The following DLG2 variants were observed in gnomAD, a reference collection of about 807,000 sequenced individuals.
DLG2 encodes discs large MAGUK scaffold protein 2.
In DLG2, 45 loss-of-function variants were observed where a neutral mutation model predicts 132.5. The observed-to-expected ratio is 0.34, with a 90% CI of 0.27 to 0.44. The LOEUF is 0.44. Among genes scored for constraint, DLG2 ranks in the 20% least tolerant of loss-of-function variants. The pLI, the probability that DLG2 is intolerant of heterozygous loss-of-function variation, is 1.00. For synonymous variants in DLG2, 424 were observed against 419.6 expected (o/e 1.01, Z -0.13); for missense variants, 1,045 against 1,196.9 (o/e 0.87, Z 1.87).
At chr11:85,602,392 TTTTC>T (rs1380557419) in intron 2 of DLG2, among the ~76,000 whole-genome samples, 1 of 152,100 alleles carries the variant, frequency 6.6e-6, no homozygotes, top group Non-Finnish European at 1.5e-5. Flanking sequence ...TTTCTCTTTT[TTTTC>T]TTTTTTCTTT....
chr11:84,095,281 G>T (rs1595123540), intron 10 of DLG2, among the ~76,000 whole-genome samples: 2 of 152,180 alleles, frequency 1.3e-5, no homozygotes, highest in African/African-American at 4.8e-5. Flanking sequence ...CCAATTATGT[G>T]CCTGCCATAG....
intron 17 of DLG2, chr11:83,789,873 T>C: frequency 3.7e-6 from 2 of 543,906 alleles, no homozygotes; most frequent in Non-Finnish European, 3.0e-6. Flanking sequence ...GAAATAGTTA[T>C]GGCAGCAAAA....
intron 8 of DLG2, among the ~76,000 whole-genome samples, chr11:84,215,034 G>T (rs1341202129): frequency 6.6e-6 from 1 of 152,178 alleles, no homozygotes; most frequent in Non-Finnish European, 1.5e-5. Flanking sequence ...TCTTAGAGTT[G>T]CTCAGTTCTT....
intron 4 of DLG2, among the ~76,000 whole-genome samples, chr11:85,199,927 G>A (rs1279927645): frequency 6.6e-6 from 1 of 151,180 alleles, no homozygotes; most frequent in Non-Finnish European, 1.5e-5. Flanking sequence ...TTTTTGTAGT[G>A]AGACCCAGGA....
intron 6 of DLG2, among the ~76,000 whole-genome samples, chr11:84,864,775 C>CA (rs1180480098): frequency 6.6e-6 from 1 of 152,014 alleles, no homozygotes; most frequent in African/African-American, 2.4e-5. Context: ...TTATACTACC[C>CA]GGGAAGGTCG....
chr11:84,759,401 T>C (rs2067303459), intron 6 of DLG2, among the ~76,000 whole-genome samples: 1 of 152,222 alleles, frequency 6.6e-6, no homozygotes, highest in African/African-American at 2.4e-5. Flanking sequence ...TAGCTTATGG[T>C]AACCTCTCAA....
At chr11:84,325,719 GA>G (rs1185911436) in intron 7 of DLG2, among the ~76,000 whole-genome samples, 9 of 152,140 alleles carry the variant, frequency 5.9e-5, no homozygotes, top group African/African-American at 1.9e-4. Context: ...GTATTTCTGT[GA>G]TTTTTTTTCT....
At chr11:83,532,145 A>T (rs924626443) in intron 21 of DLG2, among the ~76,000 whole-genome samples, 1 of 152,140 alleles carries the variant, frequency 6.6e-6, no homozygotes, top group Non-Finnish European at 1.5e-5. Flanking sequence ...GTTACATTGT[A>T]TGCAAATTTT....
intron 3 of DLG2, among the ~76,000 whole-genome samples, chr11:85,500,329 G>A (rs1399253170): frequency 7.4e-6 from 1 of 136,046 alleles, no homozygotes; most frequent in Non-Finnish European, 1.5e-5. Context: ...CTCATAGGTG[G>A]GAATTGAACA....
chr11:84,726,016 G>T (rs1019616286), intron 6 of DLG2, among the ~76,000 whole-genome samples: 12 of 151,926 alleles, frequency 7.9e-5, no homozygotes, highest in African/African-American at 2.4e-5. Flanking sequence ...TCTTACTGAA[G>T]AACACACAAA....
At chr11:84,494,108 A>G (rs535731171) in intron 7 of DLG2, among the ~76,000 whole-genome samples, 6 of 152,186 alleles carry the variant, frequency 3.9e-5, no homozygotes, top group East Asian at 1.9e-4. Context: ...ATATGTTTCA[A>G]TACCCATCAT....
intron 6 of DLG2, among the ~76,000 whole-genome samples, chr11:84,693,563 GA>G (rs2058285089): frequency 6.6e-6 from 1 of 151,410 alleles, no homozygotes. Context: ...CATGCCGCAG[GA>G]AAAAAAGTAT....
intron 11 of DLG2, among the ~76,000 whole-genome samples, 162 bp from the exon 12 acceptor site, chr11:83,980,804 A>G (rs2092708383): frequency 6.6e-6 from 1 of 152,228 alleles, no homozygotes. Flanking sequence ...CGTTATTTAA[A>G]TATTTGAAGA....
chr11:84,184,504 C>T (rs1414563314), intron 8 of DLG2, among the ~76,000 whole-genome samples: 1 of 151,514 alleles, frequency 6.6e-6, no homozygotes, highest in Non-Finnish European at 1.5e-5. Context: ...CAAAAATTTT[C>T]TCCCATTCTG....
chr11:84,044,569 T>C (rs2096195501), intron 11 of DLG2, among the ~76,000 whole-genome samples: 1 of 151,692 alleles, frequency 6.6e-6, no homozygotes, highest in Non-Finnish European at 1.5e-5. Flanking sequence ...CAGGCAAGTG[T>C]GTCATTTTTC....
At chr11:84,762,200 T>C (rs2067724394) in intron 6 of DLG2, 1 of 152,210 alleles carries the variant, frequency 6.6e-6, no homozygotes, top group Admixed American at 6.5e-5. Context: ...GCTAAAGATT[T>C]CATTTAAACA....
chr11:84,674,705 T>C (rs778603151), intron 6 of DLG2, among the ~76,000 whole-genome samples: 25 of 152,186 alleles, frequency 1.6e-4, no homozygotes, highest in Non-Finnish European at 3.2e-4. Context: ...CTTTTAGTTT[T>C]TGACTATAGG....
intron 8 of DLG2, among the ~76,000 whole-genome samples, chr11:84,208,292 G>C (rs944880593): frequency 2.6e-5 from 4 of 151,478 alleles, no homozygotes; most frequent in Non-Finnish European, 5.9e-5. Context: ...AGGACCTCTA[G>C]AGACTGTGTT....
In DLG2 at chr11:83,541,808, C is replaced by T; in HGVS notation, c.1991G>A (p.Gly664Glu). Reference protein sequence around the residue: ...KSKDSGLPSQGLSFKYGDILH... With the variant: ...KSKDSGLPSQELSFKYGDILH... Reference sequence around the variant, plus strand: ...AATATCTCCATATTTAAAACTAAGTCCTTGACTTGGCAGCCCACTGTCCTT... The same window carrying T: ...AATATCTCCATATTTAAAACTAAGTTCTTGACTTGGCAGCCCACTGTCCTT... The change falls in exon 20 of 28, where the codon GGA becomes GAA. Residue 664 changes from glycine to glutamate, a missense_variant. Gly to Glu is a moderately conservative substitution (Grantham distance 98). Transcript: ENST00000376104. 6.2e-7 allele frequency: 1 copy of T among 1,612,974 alleles called. No individual in the cohort carries two copies. The highest frequency in any genetic ancestry group is 8.5e-7 in the Non-Finnish European group (1 of 1,179,340).
Sources: allele counts gnomAD v4.1 joint callset (sites outside exome capture counted in the v4.1 genomes callset), GRCh38; gene constraint gnomAD v4.1.1; transcripts MANE v1.5; gene names NCBI Gene and HGNC (gene_info 2026-07-23, HGNC 2026-07-21).